Variants in IL13RA1 observed in about 807,000 individuals in gnomAD.
IL13RA1 encodes the protein interleukin-13 receptor subunit alpha-1.
IL13RA1 carries 14 observed loss-of-function variants against 33.8 expected under a neutral mutation model. The ratio of observed to expected loss-of-function variants is 0.41; its 90% CI spans 0.27 to 0.65. IL13RA1 has a LOEUF of 0.65. Among genes scored for constraint, IL13RA1 ranks in the 30% least tolerant of loss-of-function variants. The pLI is 0.28. For missense variants in IL13RA1, 313 were observed against 327.0 expected, an observed-to-expected ratio of 0.96 and a Z score of 0.33; for synonymous variants, 116 against 115.7, an observed-to-expected ratio of 1.00 and a Z score of -0.02.
At chrX:118,745,409 C>T (rs200955495) in intron 2 of IL13RA1, among the ~76,000 whole-genome samples, 4 of 82,441 alleles carry the variant, frequency 4.9e-5, no homozygotes, top group Admixed American at 1.9e-4. Context: ...ATTTTGCTCA[C>T]AGACATTTCT....
At chrX:118,796,547 G>GT (rs1288394087), downstream of IL13RA1, among the ~76,000 whole-genome samples, 10 of 111,622 alleles carry the variant, frequency 9.0e-5, no homozygotes. Flanking sequence ...GTTTTGTTTT[G>GT]TTTTTTTGAG....
At chrX:118,741,219 A>G in intron 2 of IL13RA1, 63 bp downstream of exon 2, 1 of 704,322 alleles carries the variant, frequency 1.4e-6, no homozygotes, top group South Asian at 2.5e-5. Context: ...TGGAGCCAAG[A>G]ATAAGCCAAA....
intron 6 of IL13RA1, among the ~76,000 whole-genome samples, chrX:118,762,681 A>C (rs1304476158): frequency 1.8e-5 from 2 of 111,665 alleles, no homozygotes; most frequent in Non-Finnish European, 3.8e-5. Flanking sequence ...CATGAAATGC[A>C]GCAAAGGGAA....
chrX:118,791,027 G>A (rs1355925034), intron 10 of IL13RA1, among the ~76,000 whole-genome samples: 2 of 111,679 alleles, frequency 1.8e-5, no homozygotes, highest in South Asian at 3.7e-4. Flanking sequence ...GCATTCAGCC[G>A]GATTTGACCT....
intron 10 of IL13RA1, among the ~76,000 whole-genome samples, chrX:118,781,869 C>A (rs2495627): frequency 9.0e-6 from 1 of 110,763 alleles, no homozygotes; most frequent in Non-Finnish European, 1.9e-5. Context: ...TAAGGTGATA[C>A]AACAGCATGT....
chrX:118,741,094 G>T lies in IL13RA1; in HGVS notation c.166G>T (p.Glu56Ter). 1 of 1,143,380 alleles carries T rather than the reference G, an allele frequency of 8.7e-7. No homozygotes were observed. 94.2% of individuals were successfully genotyped at this position (1,143,380 alleles called of 1,213,427 possible). A position where few individuals can be genotyped will look rare whatever the true frequency, so the allele number is the denominator to read the frequency against. Residue 56 changes from glutamate (E) to a stop codon, truncating the protein, a stop_gained, in exon 2 of 11, where the codon GAG becomes TAG. Transcript: ENST00000371666. LOFTEE classifies it high-confidence loss of function. ...CTVIWTWNPP[E>*]GASSNCSLWY... ...AGTAATATGGACATGGAATCCACCC[G>T]AGGGAGCCAGCTCAAATTGTAGTCT...
At chrX:118,734,142 T>A (rs1445932609) in intron 1 of IL13RA1, among the ~76,000 whole-genome samples, 1 of 112,119 alleles carries the variant, frequency 8.9e-6, no homozygotes, top group Non-Finnish European at 1.9e-5. Flanking sequence ...TTTCTATTTC[T>A]GCAAAACTAT....
chrX:118,745,715 G>C (rs1429212924), intron 2 of IL13RA1, among the ~76,000 whole-genome samples: 1 of 111,736 alleles, frequency 8.9e-6, no homozygotes, highest in Non-Finnish European at 1.9e-5. Context: ...TCAACATGTA[G>C]ATGAAAGGAA....
intron 4 of IL13RA1, among the ~76,000 whole-genome samples, chrX:118,756,014 T>C (rs2017526735): frequency 9.0e-6 from 1 of 111,486 alleles, no homozygotes; most frequent in African/African-American, 3.3e-5. Context: ...TCTGAGTTTT[T>C]TTTTTTTTAA....
intron 8 of IL13RA1, among the ~76,000 whole-genome samples, chrX:118,768,894 A>G (rs1204961120): frequency 8.9e-6 from 1 of 112,125 alleles, no homozygotes; most frequent in East Asian, 2.8e-4. Context: ...ACTGTGAGAT[A>G]ATACATTTCT....
chrX:118,750,079 A>G (rs1268872448), intron 4 of IL13RA1, among the ~76,000 whole-genome samples: 1 of 111,774 alleles, frequency 8.9e-6, no homozygotes, highest in East Asian at 2.8e-4. Flanking sequence ...CAAAACCAGA[A>G]AATTGGCATT....
intron 6 of IL13RA1, chrX:118,761,497 T>C (rs1311231166): frequency 3.6e-6 from 1 of 279,427 alleles, no homozygotes; most frequent in East Asian, 5.7e-5. Flanking sequence ...CATTTATTCA[T>C]CTGTAAGCTT....
intron 4 of IL13RA1, among the ~76,000 whole-genome samples, chrX:118,752,018 C>G (rs941827123): frequency 3.6e-5 from 4 of 109,954 alleles, no homozygotes; most frequent in African/African-American, 1.3e-4. Context: ...GTTGGGAAAT[C>G]CTGCAGGTGG....
At chrX:118,784,119 G>A (rs5910414) in intron 10 of IL13RA1, among the ~76,000 whole-genome samples, 480 of 18,382 alleles carry the variant, frequency 0.026, 16 homozygotes, top group Middle Eastern at 0.11. Flanking sequence ...ACGTATATAT[G>A]TATATATATG....
the IL13RA1 span, among the ~76,000 whole-genome samples, chrX:118,803,696 A>T: frequency 9.0e-6 from 1 of 111,384 alleles, no homozygotes. Context: ...GAATTTGGGA[A>T]CAAATGATTG....
At chrX:118,776,203 T>C (rs772124138) in intron 9 of IL13RA1, among the ~76,000 whole-genome samples, 1 of 112,304 alleles carries the variant, frequency 8.9e-6, no homozygotes, top group South Asian at 3.7e-4. Flanking sequence ...TCATTTATTC[T>C]GATGGTCCCT....
At position 118,727,654 on chromosome X, in the gene IL13RA1, C is replaced by G; in HGVS notation, c.16C>G (p.Arg6Gly). ...GAGAGGCTGCATGGAGTGGCCGGCG[C>G]GGCTCTGCGGGCTGTGGGCGCTGCT... is the stretch of plus-strand genomic sequence containing the variant. MEWPARLCGLWALLLC... is the reference protein window; with the variant it reads MEWPAGLCGLWALLLC... The change falls in exon 1 of 11, where the codon CGG becomes GGG. Residue 6 changes from arginine (R) to glycine (G), a missense_variant. Coordinates refer to ENST00000371666, the MANE Select transcript of IL13RA1 (RefSeq NM_001560.3). The G allele has an allele frequency of 4.4e-6, 4 of 900,152 alleles. No homozygotes were observed. Among genetic ancestry groups the G allele is most frequent in the Non-Finnish European group, 5.5e-6 (4 of 728,144 alleles). 74.2% of individuals were successfully genotyped at this position (900,152 alleles called of 1,213,427 possible). A position where few individuals can be genotyped will look rare whatever the true frequency, so the allele number is the denominator to read the frequency against.
At chrX:118,752,079 CT>C (rs777780396) in intron 4 of IL13RA1, among the ~76,000 whole-genome samples, 14 of 109,885 alleles carry the variant, frequency 1.3e-4, no homozygotes, top group Admixed American at 2.0e-4. Context: ...TTTTCCCCCC[CT>C]GATGTAAATC....
At position 118,747,055 on chromosome X, in the gene IL13RA1, T is replaced by G; in HGVS notation, c.330T>G (p.Pro110=). The change falls in exon 3 of 11, where the codon CCT becomes CCG. Residue 110 remains proline, a synonymous_variant. Coordinates refer to ENST00000371666, the MANE Select transcript of IL13RA1 (RefSeq NM_001560.3). ...GTAGCACCAATGAGAGTGAGAAGCC[T>G]AGCATTTTGGTTGAAAAATGCATCT... is the stretch of plus-strand genomic sequence containing the variant. ...SQCSTNESEK[P]SILVEKCISP... The G allele has an allele frequency of 8.5e-7, 1 of 1,171,372 alleles. No homozygotes were observed. Among genetic ancestry groups the G allele is most frequent in the Non-Finnish European group, 1.2e-6 (1 of 861,041 alleles).
Sources: gnomAD v4.1 joint callset for allele counts (sites outside exome capture counted in the v4.1 genomes callset) on GRCh38, gnomAD v4.1.1 for gene constraint, MANE v1.5 for transcripts, NCBI Gene and HGNC (gene_info 2026-07-23, HGNC 2026-07-21) for gene names.